The following INSYN2B variants were observed in gnomAD, a reference collection of about 807,000 sequenced individuals.
INSYN2B encodes the protein inhibitory synaptic factor family member 2B.
In INSYN2B, 16 loss-of-function variants were observed where a neutral mutation model predicts 41.2. The ratio of observed to expected loss-of-function variants is 0.39; its 90% CI spans 0.26 to 0.59. The LOEUF is 0.59. Ranked by LOEUF, INSYN2B falls within the 20% of genes least tolerant of loss-of-function variation. The pLI, the probability that INSYN2B is intolerant of heterozygous loss-of-function variation, is 0.57. For missense variants in INSYN2B, 608 were observed against 646.4 expected (o/e 0.94, Z 0.64); for synonymous variants, 245 against 244.4 (o/e 1.00, Z -0.02).
In INSYN2B at chr5:169,861,381, T is replaced by A. The variant is rs539462761; in HGVS notation, c.*2892A>T. On this transcript the variant is annotated 3_prime_UTR_variant, in exon 4 of 4. Transcript: ENST00000377365. ...GTTTAGAAATTTACAAAACCTTACA[T>A]CAGTACATCGTCTTTAAGAAGGTGC... 1.3e-4 allele frequency among the ~76,000 whole-genome samples: 20 copies of A among 152,218 alleles called. No individual in the cohort carries two copies. The highest frequency in any genetic ancestry group is 2.6e-4 in the Non-Finnish European group (18 of 68,038).
intron 3 of INSYN2B, among the ~76,000 whole-genome samples, chr5:169,871,459 C>T (rs966452171): frequency 1.4e-4 from 21 of 152,182 alleles, no homozygotes; most frequent in African/African-American, 4.8e-4. Context: ...TACAAGTTTA[C>T]ACTCCTTCTC....
chr5:169,888,620 A>G (rs261072), intron 1 of INSYN2B, among the ~76,000 whole-genome samples: 18,680 of 152,162 alleles, frequency 0.12, 1,841 homozygotes, highest in African/African-American at 0.27. Context: ...TTTAGGCCAT[A>G]CAGTGAGGGG....
chr5:169,879,576 G>A (rs1029726818), intron 3 of INSYN2B, among the ~76,000 whole-genome samples: 4 of 152,216 alleles, frequency 2.6e-5, no homozygotes, highest in African/African-American at 9.6e-5. Flanking sequence ...GTGCATGAAG[G>A]TTTGCTAACC....
Position 169,882,615 on chromosome 5 carries a change from CT to C in INSYN2B, c.1283del (p.Glu428GlyfsTer7). ...TTACATTCAAAAGGACTTTAATTTT[CT>C]CTTGGTTCGAGTGCAGAGATTCCTC... Reference protein sequence around the residue: ...SVEESLHSNQEKIKVLLNVIQ... With the variant: ...SVEESLHSNQXKIKVLLNVIQ... On this transcript the variant is annotated frameshift_variant, in exon 2 of 4. Transcript: ENST00000377365. LOFTEE classifies it high-confidence loss of function. 1 of 1,551,786 alleles carries C rather than the reference CT, an allele frequency of 6.4e-7. No individual in the cohort carries two copies. The highest frequency in any genetic ancestry group is 1.2e-5 in the South Asian group (1 of 84,058).
At chr5:169,881,183 A>T (rs756671711) in intron 3 of INSYN2B, among the ~76,000 whole-genome samples, 185 bp downstream of exon 3, 19 of 152,220 alleles carry the variant, frequency 1.2e-4, no homozygotes, top group Non-Finnish European at 2.5e-4. Context: ...TCAAAAGGGT[A>T]TGCTCATAGA....
intron 1 of INSYN2B, among the ~76,000 whole-genome samples, chr5:169,944,393 C>T (rs1211494799): frequency 2.6e-5 from 4 of 152,342 alleles, no homozygotes; most frequent in African/African-American, 4.8e-5. Flanking sequence ...AAAAATAGAA[C>T]GTGGCAGCCG....
chr5:169,882,201 G>A (rs986734540), intron 2 of INSYN2B, among the ~76,000 whole-genome samples: 5 of 152,064 alleles, frequency 3.3e-5, no homozygotes, highest in African/African-American at 1.2e-4. Context: ...AAGAGGAGGG[G>A]GATGGGGAAG....
chr5:169,882,588 A>C lies in INSYN2B; in HGVS notation c.1311T>G (p.Ile437Met). The C allele has an allele frequency of 6.4e-7, 1 of 1,550,662 alleles. No individual in the cohort carries two copies. The highest frequency in any genetic ancestry group is 8.7e-7 in the Non-Finnish European group (1 of 1,146,118). Residue 437 changes from isoleucine to methionine, a missense_variant, in exon 2 of 4, where the codon ATT (isoleucine) becomes ATG (methionine). By Grantham distance (10) the Ile-to-Met change is conservative. Coordinates refer to ENST00000377365, the MANE Select transcript of INSYN2B (RefSeq NM_001129891.3). ...QEKIKVLLNVIQDLEKARALT... is the reference protein window; with the variant it reads ...QEKIKVLLNVMQDLEKARALT... ...GAGCTCGAGCTTTCTCCAAGTCTTG[A>C]ATTACATTCAAAAGGACTTTAATTT... is the stretch of plus-strand genomic sequence containing the variant.
chr5:169,905,031 T>C (rs1774196176), intron 1 of INSYN2B, among the ~76,000 whole-genome samples: 1 of 152,124 alleles, frequency 6.6e-6, no homozygotes, highest in Non-Finnish European at 1.5e-5. Flanking sequence ...ATGAAGATAG[T>C]AGTCATGACA....
At chr5:169,955,722 T>C (rs1776839534) in intron 1 of INSYN2B, among the ~76,000 whole-genome samples, 1 of 152,136 alleles carries the variant, frequency 6.6e-6, no homozygotes, top group Non-Finnish European at 1.5e-5. Context: ...TTCTTTAACC[T>C]CTCTGAAACT....
intron 1 of INSYN2B, among the ~76,000 whole-genome samples, chr5:169,919,085 C>A (rs1581415831): frequency 6.6e-6 from 1 of 152,224 alleles, no homozygotes; most frequent in African/African-American, 2.4e-5. Flanking sequence ...TCAGCCTTTT[C>A]CTAAGGACAC....
At chr5:169,953,785 T>A (rs1187702173) in intron 1 of INSYN2B, among the ~76,000 whole-genome samples, 1 of 152,210 alleles carries the variant, frequency 6.6e-6, no homozygotes, top group Non-Finnish European at 1.5e-5. Flanking sequence ...ACACCTGGGA[T>A]GGCAAGCATT....
At position 169,882,999 on chromosome 5, in the gene INSYN2B, C is replaced by T. The variant is rs368906539; in HGVS notation, c.900G>A (p.Thr300=). ...LGSLSSQSKE[T]CVPSSPRTHS... ...GAGTCCGTGGAGATGAAGGAACACA[C>T]GTTTCCTTTGACTGAGATGACAGTG... The change falls in exon 2 of 4, where the codon ACG becomes ACA. Residue 300 remains threonine (T), a synonymous_variant. Transcript: ENST00000377365. 4.3e-4 allele frequency: 666 copies of T among 1,551,618 alleles called. No homozygotes were observed. Among genetic ancestry groups the T allele is most frequent in the Non-Finnish European group, 5.4e-4 (617 of 1,146,906 alleles).
chr5:169,955,552 A>G (rs545192281), intron 1 of INSYN2B, among the ~76,000 whole-genome samples: 3 of 152,314 alleles, frequency 2.0e-5, no homozygotes, highest in African/African-American at 7.2e-5. Context: ...TCATTAGGGC[A>G]CTGATGCAAA....
At chr5:169,910,651 C>T (rs1169326808) in intron 1 of INSYN2B, among the ~76,000 whole-genome samples, 1 of 152,168 alleles carries the variant, frequency 6.6e-6, no homozygotes, top group Admixed American at 6.5e-5. Flanking sequence ...GCAGGGGCCA[C>T]GGCAATGAAG....
intron 1 of INSYN2B, among the ~76,000 whole-genome samples, chr5:169,935,236 G>GCAGGAACTAAGAT (rs60663179): frequency 0.15 from 22,230 of 152,142 alleles, 2,258 homozygotes; most frequent in African/African-American, 0.3. Flanking sequence ...TACACTGTTT[G>GCAGGAACTAAGAT]CTGTGAGTCA....
At chr5:169,913,362 G>C (rs76045757) in intron 1 of INSYN2B, among the ~76,000 whole-genome samples, 1,527 of 152,154 alleles carry the variant, frequency 0.01, 27 homozygotes, top group African/African-American at 0.034. Context: ...GAACTATATA[G>C]AAGCTCCCTA....
intron 1 of INSYN2B, among the ~76,000 whole-genome samples, chr5:169,893,026 A>T (rs895895091): frequency 1.0e-4 from 15 of 150,018 alleles, no homozygotes; most frequent in African/African-American, 3.7e-4. Flanking sequence ...CTCTTCCTTC[A>T]TTTCTTTTGT....
intron 1 of INSYN2B, among the ~76,000 whole-genome samples, chr5:169,952,208 A>C (rs1453905952): frequency 1.3e-5 from 2 of 152,214 alleles, no homozygotes; most frequent in Non-Finnish European, 2.9e-5. Flanking sequence ...AATTCACTCT[A>C]ACCGAGCTTT....
Sources: allele counts gnomAD v4.1 joint callset (sites outside exome capture counted in the v4.1 genomes callset), GRCh38; gene constraint gnomAD v4.1.1; transcripts MANE v1.5; gene names NCBI Gene and HGNC (gene_info 2026-07-23, HGNC 2026-07-21).